MTUS2: variants seen among roughly 807,000 people sequenced by gnomAD.
MTUS2 encodes microtubule-associated tumor suppressor candidate 2.
A neutral mutation model predicts 114.1 loss-of-function variants in MTUS2; 40 were observed. The ratio of observed to expected loss-of-function variants is 0.35; its 90% CI spans 0.27 to 0.46. MTUS2 has a LOEUF of 0.46. MTUS2 is among the 20% of genes least tolerant of loss of function. The pLI, the probability that MTUS2 is intolerant of heterozygous loss-of-function variation, is 1.00. For synonymous variants in MTUS2, 688 were observed against 672.0 expected (o/e 1.02, Z -0.37); for missense variants, 1,679 against 1,705.4 (o/e 0.98, Z 0.27).
At chr13:29,378,850 G>T (rs7989731) in intron 8 of MTUS2, among the ~76,000 whole-genome samples, 73,017 of 151,798 alleles carry the variant, frequency 0.48, 19,628 homozygotes, top group East Asian at 0.66. Flanking sequence ...CTAGCTCTGT[G>T]TCCCCACCCA....
chr13:29,073,315 T>C (rs952458809), intron 4 of MTUS2, among the ~76,000 whole-genome samples: 1 of 152,248 alleles, frequency 6.6e-6, no homozygotes, highest in Non-Finnish European at 1.5e-5. Context: ...AGTTTCTTGC[T>C]CAGTTAGCCT....
intron 8 of MTUS2, among the ~76,000 whole-genome samples, chr13:29,419,096 C>T (rs954171122): frequency 1.3e-5 from 2 of 152,180 alleles, no homozygotes; most frequent in African/African-American, 4.8e-5. Flanking sequence ...CACTTAGTGT[C>T]CATCTTTACA....
intron 1 of MTUS2, among the ~76,000 whole-genome samples, chr13:28,834,114 A>T (rs1360445297): frequency 6.6e-6 from 1 of 152,158 alleles, no homozygotes; most frequent in African/African-American, 2.4e-5. Context: ...TGATCTGCAG[A>T]TTTAATGTAA....
intron 2 of MTUS2, among the ~76,000 whole-genome samples, chr13:28,912,165 C>G (rs564657642): frequency 4.6e-5 from 7 of 152,014 alleles, no homozygotes; most frequent in Non-Finnish European, 1.0e-4. Flanking sequence ...AGTCTTCAAC[C>G]CATCTTGAGT....
At chr13:28,875,963 A>G (rs1265710671) in intron 2 of MTUS2, among the ~76,000 whole-genome samples, 1 of 152,232 alleles carries the variant, frequency 6.6e-6, no homozygotes, top group Non-Finnish European at 1.5e-5. Context: ...AATGCCAGAA[A>G]GGGCCAAATT....
At chr13:28,854,636 G>A (rs868472755) in intron 2 of MTUS2, among the ~76,000 whole-genome samples, 5 of 151,986 alleles carry the variant, frequency 3.3e-5, no homozygotes, top group Non-Finnish European at 5.9e-5. Context: ...ATATATACCC[G>A]CCCATTTTTA....
At chr13:29,158,316 G>T (rs1892948411) in intron 5 of MTUS2, among the ~76,000 whole-genome samples, 1 of 147,448 alleles carries the variant, frequency 6.8e-6, no homozygotes, top group Non-Finnish European at 1.5e-5. Context: ...CCACGAGATA[G>T]GTCATTCCCC....
chr13:29,456,194 C>G (rs1344666822), intron 9 of MTUS2, among the ~76,000 whole-genome samples: 1 of 152,024 alleles, frequency 6.6e-6, no homozygotes, highest in Non-Finnish European at 1.5e-5. Flanking sequence ...AATGTTAGAA[C>G]CAAAAACAGA....
intron 5 of MTUS2, among the ~76,000 whole-genome samples, chr13:29,159,739 A>G (rs1339368918): frequency 2.0e-5 from 3 of 152,214 alleles, no homozygotes; most frequent in African/African-American, 7.2e-5. Flanking sequence ...AGATATACAG[A>G]TGTTCAACAT....
At chr13:28,851,709 A>G (rs1188413163) in intron 2 of MTUS2, among the ~76,000 whole-genome samples, 1 of 152,168 alleles carries the variant, frequency 6.6e-6, no homozygotes. Flanking sequence ...TGGTAGAGAG[A>G]TGAATGTGTA....
chr13:28,919,012 CTT>C (rs1434482243), intron 2 of MTUS2, among the ~76,000 whole-genome samples: 1 of 151,914 alleles, frequency 6.6e-6, no homozygotes, highest in Non-Finnish European at 1.5e-5. Flanking sequence ...TGTTGTTTCT[CTT>C]TGTGTCTTAT....
At chr13:29,447,869 G>T (rs74042081) in intron 9 of MTUS2, among the ~76,000 whole-genome samples, 4,897 of 152,132 alleles carry the variant, frequency 0.032, 221 homozygotes, top group African/African-American at 0.11. Context: ...ATTTAAAAAT[G>T]TTCCAGAAAA....
intron 5 of MTUS2, among the ~76,000 whole-genome samples, chr13:29,226,650 G>A (rs1896117651): frequency 7.1e-6 from 1 of 140,676 alleles, no homozygotes; most frequent in Non-Finnish European, 1.5e-5. Flanking sequence ...ATTCTAAAAT[G>A]TGGAAATAAA....
Position 28,972,524 on chromosome 13 carries a change from C to T in MTUS2, c.-242-51933C>T, listed in dbSNP as rs1762601981. On this transcript the variant is annotated intron_variant, in intron 2 of 15. Coordinates refer to ENST00000612955, the MANE Select transcript of MTUS2 (RefSeq NM_001033602.4). ...CCTTTTAATGTTCAGAAACCCAAAACAATCTTAGTTTCTCAAAGGGTCAAA... is the reference window on the plus strand; with the variant it reads ...CCTTTTAATGTTCAGAAACCCAAAATAATCTTAGTTTCTCAAAGGGTCAAA... 2.6e-5 allele frequency among the ~76,000 whole-genome samples: 4 copies of T among 152,120 alleles called. No individual in the cohort carries two copies. In the South Asian group the frequency reaches 8.3e-4, roughly 32 times the overall value.
intron 2 of MTUS2, among the ~76,000 whole-genome samples, chr13:28,997,075 A>G (rs1325173290): frequency 2.0e-5 from 3 of 152,242 alleles, no homozygotes; most frequent in Admixed American, 2.0e-4. Context: ...AATGTGTCCC[A>G]GAGGTTCTGG....
At chr13:29,304,153 G>GA (rs1424531027) in intron 6 of MTUS2, among the ~76,000 whole-genome samples, 1 of 151,958 alleles carries the variant, frequency 6.6e-6, no homozygotes, top group African/African-American at 2.4e-5. Context: ...AATATGGAAA[G>GA]AAAAAACCAA....
intron 4 of MTUS2, among the ~76,000 whole-genome samples, chr13:29,081,950 C>T (rs1028675191): frequency 6.6e-6 from 1 of 152,022 alleles, no homozygotes; most frequent in African/African-American, 2.4e-5. Flanking sequence ...TACACGACTG[C>T]CTGAAGTTTG....
chr13:29,467,182 G>A (rs938800649), intron 9 of MTUS2, among the ~76,000 whole-genome samples: 1 of 151,972 alleles, frequency 6.6e-6, no homozygotes. Context: ...AACCCCACAG[G>A]GCAATTCTAC....
rs200129898 is a variant in MTUS2 at position 29,503,233 on chromosome 13, C to G, written c.*27C>G. The G allele has an allele frequency of 6.8e-6, 11 of 1,609,938 alleles. No homozygotes were observed. The highest frequency in any genetic ancestry group is 8.5e-6 in the Non-Finnish European group (10 of 1,178,976). On this transcript the variant is annotated 3_prime_UTR_variant, in exon 16 of 16. Transcript: ENST00000612955. ...GCCACTACACGGCCTGCGGGAGCTCCGGCTTCTCGTCCTCCGGTCTCCACC... is the reference window on the plus strand; with the variant it reads ...GCCACTACACGGCCTGCGGGAGCTCGGGCTTCTCGTCCTCCGGTCTCCACC...
Sources: gnomAD v4.1 joint callset for allele counts (sites outside exome capture counted in the v4.1 genomes callset) on GRCh38, gnomAD v4.1.1 for gene constraint, MANE v1.5 for transcripts, NCBI Gene and HGNC (gene_info 2026-07-23, HGNC 2026-07-21) for gene names.